ADGRL2: variants seen among roughly 807,000 people sequenced by gnomAD.
The protein encoded by ADGRL2 is calcium-independent alpha-latrotoxin receptor 2.
A neutral mutation model predicts 157.4 loss-of-function variants in ADGRL2; 44 were observed. The observed-to-expected ratio is 0.28, with a 90% CI of 0.22 to 0.36. The LOEUF (loss-of-function observed/expected upper bound fraction) is 0.36. ADGRL2 is among the 10% of genes least tolerant of loss of function. The pLI is 1.00. For missense variants in ADGRL2, 1,510 were observed against 1,768.9 expected (o/e 0.85, Z 2.63); for synonymous variants, 585 against 624.7 (o/e 0.94, Z 0.95).
chr1:81,879,420 C>T (rs1464756415), intron 2 of ADGRL2, among the ~76,000 whole-genome samples: 2 of 151,496 alleles, frequency 1.3e-5, no homozygotes, highest in Non-Finnish European at 2.9e-5. Context: ...ATTTCCTTGA[C>T]TAGAACAGTA....
rs540580305 is a variant in ADGRL2 at position 81,846,192 on chromosome 1, T to C, written c.73+9135T>C. Among the ~76,000 whole-genome samples, 10 of 151,812 alleles carry C rather than the reference T, an allele frequency of 6.6e-5. No homozygotes were observed. The South Asian group carries it at 1.5e-3, about 22-fold the overall frequency. ...CAAATTAAAAATGGATGATGGATGA[T>C]AGTTGAAAAAACAAAAAAGAAAAAG... On this transcript the variant is annotated intron_variant, in intron 2 of 23. Transcript: ENST00000686636.
intron 3 of ADGRL2, among the ~76,000 whole-genome samples, chr1:81,632,603 C>CA (rs1184423159): frequency 6.6e-6 from 1 of 152,010 alleles, no homozygotes; most frequent in Non-Finnish European, 1.5e-5. Flanking sequence ...CTGAAAACTA[C>CA]AAAAAATTAG....
At chr1:81,602,923 A>G (rs561620718) in intron 3 of ADGRL2, among the ~76,000 whole-genome samples, 2 of 151,216 alleles carry the variant, frequency 1.3e-5, no homozygotes, top group South Asian at 2.1e-4. Context: ...AAAGTGTCCA[A>G]TACATGCAGA....
intron 1 of ADGRL2, among the ~76,000 whole-genome samples, chr1:81,376,793 G>A (rs1252231912): frequency 2.0e-5 from 3 of 152,114 alleles, no homozygotes; most frequent in African/African-American, 7.2e-5. Flanking sequence ...TTGAATATGG[G>A]CCAAGACTTT....
intron 1 of ADGRL2, among the ~76,000 whole-genome samples, chr1:81,346,853 G>A (rs1230456726): frequency 6.6e-6 from 1 of 152,174 alleles, no homozygotes; most frequent in Non-Finnish European, 1.5e-5. Flanking sequence ...ATACCAAGAA[G>A]TGGGGTGCTG....
At chr1:81,442,764 G>C (rs568045233) in intron 1 of ADGRL2, among the ~76,000 whole-genome samples, 13 of 152,190 alleles carry the variant, frequency 8.5e-5, no homozygotes, top group Non-Finnish European at 1.5e-4. Context: ...CCTCAGGAGA[G>C]TAGCACAGGA....
rs1557611945 is a variant in ADGRL2, at chr1:81,343,090, TTC to T, written c.-302+36583_-302+36584del. ...TTCTTTTCTTTTTTTCTTTTTTCTT[TTC>T]TTTTTTTTTTTTTTGAGACAGAATC... is the stretch of plus-strand genomic sequence containing the variant. On this transcript the variant is annotated intron_variant, in intron 1 of 24. Coordinates refer to the ADGRL2 transcript ENST00000370721. Among the ~76,000 whole-genome samples the T allele has an allele frequency of 6.4e-5, 8 of 125,404 alleles. 3 individuals are homozygous for T. The highest frequency in any genetic ancestry group is 5.5e-4 in the South Asian group (2 of 3,652). 82.3% of individuals were successfully genotyped at this position (125,404 alleles called of 152,430 possible). A position where few individuals can be genotyped will look rare whatever the true frequency, so the allele number is the denominator to read the frequency against.
At chr1:81,570,135 C>T (rs995715213) in intron 2 of ADGRL2, among the ~76,000 whole-genome samples, 2 of 152,122 alleles carry the variant, frequency 1.3e-5, no homozygotes, top group African/African-American at 4.8e-5. Context: ...CACAAATCAG[C>T]CCTACACTAC....
Position 81,950,332 on chromosome 1 carries a change from C to A in ADGRL2, c.1354C>A (p.Pro452Thr), listed in dbSNP as rs760192036. The change falls in exon 7 of 24, where the codon CCA (proline) becomes ACA (threonine). Residue 452 changes from proline (P) to threonine (T), a missense_variant. This residue lies in a region of ADGRL2 where 325 missense variants were observed against 333.2 expected (regional missense o/e 0.98). Coordinates refer to ENST00000686636, the MANE Select transcript of ADGRL2 (RefSeq NM_001366006.2). The part of the protein sequence containing the change: ...QEGSKGTKPP[P>T]AVSTTKIPPI... ...AGGAAGCAAAGGGACAAAACCACCT[C>A]CAGCAGTTTCTACAACCAAAATTCC... The A allele has an allele frequency of 1.2e-6, 2 of 1,614,046 alleles. No individual in the cohort carries two copies. Among genetic ancestry groups the A allele is most frequent in the Non-Finnish European group, 1.7e-6 (2 of 1,179,974 alleles).
chr1:81,879,515 TA>T (rs1170189145), intron 2 of ADGRL2, among the ~76,000 whole-genome samples: 12 of 113,852 alleles, frequency 1.1e-4, no homozygotes, highest in South Asian at 6.5e-4. Flanking sequence ...ACCCAGAATT[TA>T]AAAAAAAAAA....
chr1:81,393,402 G>T (rs972771354), intron 1 of ADGRL2, among the ~76,000 whole-genome samples: 29 of 151,352 alleles, frequency 1.9e-4, no homozygotes, highest in African/African-American at 6.3e-4. Context: ...GTCATGAGAG[G>T]CATTCAAGAA....
chr1:81,398,885 T>C (rs1047825388), intron 1 of ADGRL2, among the ~76,000 whole-genome samples: 1 of 152,202 alleles, frequency 6.6e-6, no homozygotes, highest in Non-Finnish European at 1.5e-5. Flanking sequence ...TTATAGAGAA[T>C]CTTTGGGGTT....
At chr1:81,849,891 C>T (rs1305494288) in intron 2 of ADGRL2, among the ~76,000 whole-genome samples, 1 of 151,854 alleles carries the variant, frequency 6.6e-6, no homozygotes, top group Non-Finnish European at 1.5e-5. Context: ...ACGTGAATGA[C>T]TAGTACCTAT....
At chr1:81,535,860 A>T (rs1557437800) in intron 2 of ADGRL2, among the ~76,000 whole-genome samples, 1 of 152,246 alleles carries the variant, frequency 6.6e-6, no homozygotes, top group Non-Finnish European at 1.5e-5. Flanking sequence ...TAGAGGCAGG[A>T]TATAAAATGC....
At chr1:81,731,189 A>T (rs57971847) in intron 1 of ADGRL2, among the ~76,000 whole-genome samples, 3,055 of 152,296 alleles carry the variant, frequency 0.02, 42 homozygotes, top group South Asian at 0.052. Context: ...GAACCAGTGT[A>T]TTATGTTTAA....
intron 1 of ADGRL2, among the ~76,000 whole-genome samples, chr1:81,371,643 G>T (rs1342866156): frequency 6.6e-6 from 1 of 152,094 alleles, no homozygotes; most frequent in Non-Finnish European, 1.5e-5. Context: ...TAGTGTAAAG[G>T]TGTAGCCTTA....
chr1:81,405,511 G>A (rs2076837137), intron 1 of ADGRL2, among the ~76,000 whole-genome samples: 1 of 151,810 alleles, frequency 6.6e-6, no homozygotes, highest in African/African-American at 2.4e-5. Context: ...ATTAGCCATG[G>A]GGGTGTTGCC....
At position 81,980,033 on chromosome 1, in the gene ADGRL2, A is replaced by G. The variant is rs1050736400; in HGVS notation, c.3113+73A>G. ...GATACTCTCCACAGGGAACACAGGG[A>G]TTTCTACCTTCTATCAACTGTAGAA... On this transcript the variant is annotated intron_variant, in intron 18 of 23. Transcript: ENST00000686636. 2.1e-4 allele frequency: 169 copies of G among 810,488 alleles called. 1 individual carries two copies. Among genetic ancestry groups the G allele is most frequent in the Non-Finnish European group, 2.7e-4 (132 of 482,882 alleles). 50.2% of individuals were successfully genotyped at this position (810,488 alleles called of 1,614,324 possible).
At chr1:81,551,011 G>T (rs2080132398) in intron 2 of ADGRL2, among the ~76,000 whole-genome samples, 1 of 152,160 alleles carries the variant, frequency 6.6e-6, no homozygotes, top group African/African-American at 2.4e-5. Flanking sequence ...TCAGACCCAA[G>T]GTTGAAACCC....
Sources: gnomAD v4.1 joint callset for allele counts (sites outside exome capture counted in the v4.1 genomes callset) on GRCh38, gnomAD v4.1.1 for gene constraint, gnomAD v4.1.1 regional missense constraint, MANE v1.5 for transcripts, NCBI Gene and HGNC (gene_info 2026-07-23, HGNC 2026-07-21) for gene names.